The following CNIH3 variants were observed in gnomAD, a reference collection of about 807,000 sequenced individuals.
CNIH3 encodes the protein cornichon family AMPA receptor auxiliary protein 3, also known as protein cornichon homolog 3.
A neutral mutation model predicts 24.1 loss-of-function variants in CNIH3; 14 were observed. The observed-to-expected ratio is 0.58, with a 90% confidence interval of 0.38 to 0.91. The LOEUF is 0.91. Ranked by LOEUF, CNIH3 falls within the 40% of genes least tolerant of loss-of-function variation. The probability of loss-of-function intolerance (pLI) is 0.00; values close to 1 mark genes in which losing one functional copy is unlikely to be tolerated. For missense variants in CNIH3, 178 were observed against 196.8 expected (o/e 0.90, Z 0.57); for synonymous variants, 68 against 73.8 (o/e 0.92, Z 0.40).
intron 3 of CNIH3, among the ~76,000 whole-genome samples, chr1:224,561,020 A>G (rs886294699): frequency 6.6e-6 from 1 of 152,126 alleles, no homozygotes; most frequent in African/African-American, 2.4e-5. Context: ...GGCCATTTGC[A>G]TGGCCTCTTT....
intron 1 of CNIH3, among the ~76,000 whole-genome samples, chr1:224,483,985 A>G (rs981373403): frequency 2.0e-5 from 3 of 152,122 alleles, no homozygotes; most frequent in African/African-American, 7.2e-5. Context: ...AGCCTGACCA[A>G]CATGGTGAAA....
chr1:224,516,185 C>T (rs771013339), intron 1 of CNIH3, among the ~76,000 whole-genome samples: 11 of 151,824 alleles, frequency 7.2e-5, no homozygotes, highest in Non-Finnish European at 1.2e-4. Context: ...CATGGTGGCA[C>T]GTGCCTGTAG....
chr1:224,537,944 C>CATTATT (rs1312539163), downstream of CNIH3, among the ~76,000 whole-genome samples: 1 of 151,452 alleles, frequency 6.6e-6, no homozygotes, highest in Admixed American at 6.6e-5. Context: ...AAATCAGACA[C>CATTATT]ATTATTATTA....
chr1:224,734,074 T>A (rs1053690102), intron 4 of CNIH3, among the ~76,000 whole-genome samples: 4 of 152,264 alleles, frequency 2.6e-5, no homozygotes, highest in African/African-American at 9.6e-5. Context: ...TTTTGAGTTC[T>A]AGGTCCCACT....
chr1:224,685,471 G>A (rs536525922), intron 3 of CNIH3, among the ~76,000 whole-genome samples: 26 of 152,174 alleles, frequency 1.7e-4, no homozygotes, highest in Non-Finnish European at 3.5e-4. Context: ...ATAGCTGGGG[G>A]CCCCTGTGTC....
intron 5 of CNIH3, among the ~76,000 whole-genome samples, chr1:224,583,973 C>A (rs769505834): frequency 2.0e-5 from 3 of 152,186 alleles, no homozygotes; most frequent in Non-Finnish European, 4.4e-5. Flanking sequence ...CACTTCCTGT[C>A]GTATTTTCCA....
In CNIH3 at chr1:224,453,836, A is replaced by G. The variant is rs568167411; in HGVS notation, n.203+18974A>G. Among the ~76,000 whole-genome samples the G allele has an allele frequency of 2.6e-5, 4 of 152,230 alleles. No homozygotes were observed. The East Asian group carries it at 7.7e-4, about 29-fold the overall frequency. On this transcript the variant is annotated intron_variant and non_coding_transcript_variant, in intron 1 of 5. Transcript: ENST00000471578. ...GTTTTGAAAGATTTTCATAGCATTG[A>G]GGGGAGAAGAAAAGTGAAACAAAGA... is the stretch of plus-strand genomic sequence containing the variant.
At position 224,604,538 on chromosome 1, in the gene CNIH3, G is replaced by C. The variant is rs1474052991; in HGVS notation, n.402+38274G>C. Reference sequence around the variant, plus strand: ...CTACGCCGCTTTGTGCCAGTGACTTGTGGAAGAGACAAGTCCTCAGAGATG... The same window carrying C: ...CTACGCCGCTTTGTGCCAGTGACTTCTGGAAGAGACAAGTCCTCAGAGATG... On this transcript the variant is annotated intron_variant and non_coding_transcript_variant, in intron 3 of 7. Transcript: ENST00000478120. This position sits in a 1 kb window ranked among gnomAD's most constrained non-coding sequence, Gnocchi z 4.4. Among the ~76,000 whole-genome samples the C allele has an allele frequency of 1.3e-5, 2 of 152,298 alleles. No homozygotes were observed. The highest frequency in any genetic ancestry group is 2.4e-5 in the African/African-American group (1 of 41,546).
intron 3 of CNIH3, among the ~76,000 whole-genome samples, chr1:224,553,822 C>G (rs1239613485): frequency 6.7e-6 from 1 of 148,936 alleles, no homozygotes; most frequent in African/African-American, 2.5e-5. Flanking sequence ...CTCCCTCCCT[C>G]CCTCTTTCTC....
At chr1:224,480,004 C>T (rs1434431303) in intron 1 of CNIH3, among the ~76,000 whole-genome samples, 2 of 152,176 alleles carry the variant, frequency 1.3e-5, no homozygotes, top group African/African-American at 2.4e-5. Flanking sequence ...TCTGCACTGC[C>T]CTAACAGTGG....
chr1:224,611,805 A>AT (rs1409554375), upstream of CNIH3, among the ~76,000 whole-genome samples: 4 of 152,092 alleles, frequency 2.6e-5, no homozygotes, highest in Non-Finnish European at 4.4e-5. Flanking sequence ...GTACTTTTTG[A>AT]TTTTTTTAAA....
chr1:224,600,306 C>G (rs1682153886), intron 3 of CNIH3, among the ~76,000 whole-genome samples: 1 of 151,900 alleles, frequency 6.6e-6, no homozygotes, highest in Non-Finnish European at 1.5e-5. Flanking sequence ...TCTCCTGCCT[C>G]AGCCTCCCGA....
intron 4 of CNIH3, among the ~76,000 whole-genome samples, chr1:224,572,804 T>C (rs930162188): frequency 1.3e-5 from 2 of 152,156 alleles, no homozygotes; most frequent in Non-Finnish European, 2.9e-5. Flanking sequence ...CAATGTTTCA[T>C]AGTTTTCAGT....
intron 3 of CNIH3, among the ~76,000 whole-genome samples, chr1:224,596,247 C>T (rs1226566341): frequency 1.3e-5 from 2 of 152,166 alleles, no homozygotes; most frequent in African/African-American, 4.8e-5. Flanking sequence ...TTTACCATTC[C>T]AAAAAATCCT....
chr1:224,566,939 G>A (rs1034458430), intron 4 of CNIH3, among the ~76,000 whole-genome samples: 23 of 152,190 alleles, frequency 1.5e-4, no homozygotes, highest in African/African-American at 5.5e-4. Context: ...TTGAGGAATC[G>A]CCACACTGTC....
At chr1:224,697,713 T>C (rs576890156) in intron 3 of CNIH3, among the ~76,000 whole-genome samples, 1 of 152,338 alleles carries the variant, frequency 6.6e-6, no homozygotes, top group East Asian at 1.9e-4. Context: ...TTCCAGGCAC[T>C]CATTCTTGCC....
intron 1 of CNIH3, among the ~76,000 whole-genome samples, chr1:224,642,638 C>G (rs1431234357): frequency 6.6e-6 from 1 of 152,198 alleles, no homozygotes; most frequent in Admixed American, 6.5e-5. Flanking sequence ...TGGCTCCTTA[C>G]CACTGTGCTC....
Position 224,559,657 on chromosome 1 carries a change from G to A in CNIH3, n.451-6542G>A, listed in dbSNP as rs1680282257. 2.6e-5 allele frequency among the ~76,000 whole-genome samples: 4 copies of A among 152,244 alleles called. No homozygotes were observed. The South Asian group carries it at 8.3e-4, about 32-fold the overall frequency. On this transcript the variant is annotated intron_variant and non_coding_transcript_variant, in intron 3 of 5. Transcript: ENST00000471578. Reference sequence around the variant, plus strand: ...CAATGTGCTGGGATTATAGGCATGAGCCACTACATCTGTAATTTTTTTAAA... The same window carrying A: ...CAATGTGCTGGGATTATAGGCATGAACCACTACATCTGTAATTTTTTTAAA...
chr1:224,585,258 C>T (rs918917512), intron 5 of CNIH3, among the ~76,000 whole-genome samples: 2 of 152,138 alleles, frequency 1.3e-5, no homozygotes, highest in African/African-American at 2.4e-5. Context: ...CCTGTCTTAA[C>T]GTCTCAATGT....
Sources: allele counts gnomAD v4.1 joint callset (sites outside exome capture counted in the v4.1 genomes callset), GRCh38; gene constraint gnomAD v4.1.1; non-coding constraint Gnocchi (gnomAD v3.1); transcripts MANE v1.5; gene names NCBI Gene and HGNC (gene_info 2026-07-23, HGNC 2026-07-21).